TUSC3: variants seen among roughly 807,000 people sequenced by gnomAD.
TUSC3 encodes the protein tumor suppressor candidate 3, also known as dolichyl-diphosphooligosaccharide--protein glycosyltransferase subunit TUSC3.
Under a neutral mutation model 44.8 loss-of-function variants are expected in TUSC3, and 45 were observed. That is an observed-to-expected ratio of 1.00 (90% CI 0.79 to 1.29). The LOEUF (loss-of-function observed/expected upper bound fraction) is 1.29, where lower values mean the gene tolerates loss of function less well. Ranked by LOEUF, TUSC3 falls within the 50% of genes most tolerant of loss-of-function variation. TUSC3 has a pLI of 0.00. For synonymous variants in TUSC3, 212 were observed against 152.9 expected, an observed-to-expected ratio of 1.39 and a Z score of -2.85; for missense variants, 519 against 437.9, an observed-to-expected ratio of 1.19 and a Z score of -1.65.
chr8:15,827,652 T>C, the TUSC3 span, among the ~76,000 whole-genome samples: 1 of 152,202 alleles, frequency 6.6e-6, no homozygotes, highest in South Asian at 2.1e-4. Context: ...TGCTAATGTG[T>C]ACATTTGATC....
downstream of TUSC3, among the ~76,000 whole-genome samples, chr8:15,769,468 T>G (rs1348430782): frequency 5.3e-5 from 8 of 152,078 alleles, no homozygotes; most frequent in East Asian, 1.2e-3. Flanking sequence ...CCTAAAACCT[T>G]AAAAACCCTA....
At chr8:15,672,832 C>T (rs1166048301) in intron 5 of TUSC3, among the ~76,000 whole-genome samples, 3 of 151,994 alleles carry the variant, frequency 2.0e-5, no homozygotes, top group Non-Finnish European at 4.4e-5. Flanking sequence ...GACTCCCAGT[C>T]GTGCATTGCT....
chr8:15,777,990 C>G, the TUSC3 span, among the ~76,000 whole-genome samples: 1 of 151,718 alleles, frequency 6.6e-6, no homozygotes, highest in East Asian at 1.9e-4. Flanking sequence ...TGAAAAACAT[C>G]TTGATTTCCC....
intron 1 of TUSC3, among the ~76,000 whole-genome samples, chr8:15,455,459 A>T (rs942185492): frequency 6.6e-6 from 1 of 151,940 alleles, no homozygotes; most frequent in African/African-American, 2.4e-5. Flanking sequence ...CTATGTATAC[A>T]CACCTATGTA....
At chr8:15,523,680 G>GTATA (rs1563273640) in intron 2 of TUSC3, among the ~76,000 whole-genome samples, 4 of 37,666 alleles carry the variant, frequency 1.1e-4, no homozygotes, top group African/African-American at 1.6e-4. Flanking sequence ...GTGTGTGTGT[G>GTATA]TGTGTGTGTG....
intron 2 of TUSC3, among the ~76,000 whole-genome samples, chr8:15,503,077 A>G (rs1221771938): frequency 6.6e-6 from 1 of 152,142 alleles, no homozygotes. Context: ...CGCCATTTAT[A>G]TGCTGAAGTC....
intron 5 of TUSC3, among the ~76,000 whole-genome samples, chr8:15,666,371 C>A (rs1186805312): frequency 1.3e-5 from 2 of 151,476 alleles, no homozygotes; most frequent in Non-Finnish European, 1.5e-5. Flanking sequence ...CTGTTTTCTG[C>A]CTTTTAATAC....
At chr8:15,753,959 G>A (rs528666082) in intron 9 of TUSC3, among the ~76,000 whole-genome samples, 1 of 152,208 alleles carries the variant, frequency 6.6e-6, no homozygotes, top group South Asian at 2.1e-4. Context: ...GTTGAAAGGT[G>A]AGATACTGAT....
At chr8:15,814,113 A>C in the TUSC3 span, among the ~76,000 whole-genome samples, 1 of 152,202 alleles carries the variant, frequency 6.6e-6, no homozygotes, top group Non-Finnish European at 1.5e-5. Flanking sequence ...TAATTTACAC[A>C]TTGTTGTGAC....
At chr8:15,511,210 G>A (rs1444401029) in intron 2 of TUSC3, among the ~76,000 whole-genome samples, 1 of 151,812 alleles carries the variant, frequency 6.6e-6, no homozygotes, top group Non-Finnish European at 1.5e-5. Context: ...CTCCTATTCA[G>A]TATAGTGCTG....
the TUSC3 span, among the ~76,000 whole-genome samples, chr8:15,805,491 T>G: frequency 6.6e-6 from 1 of 152,202 alleles, no homozygotes; most frequent in Non-Finnish European, 1.5e-5. Flanking sequence ...TCTTATTATT[T>G]TGATGTATGT....
chr8:15,799,528 G>C, the TUSC3 span, among the ~76,000 whole-genome samples: 1 of 152,258 alleles, frequency 6.6e-6, no homozygotes, highest in East Asian at 1.9e-4. Flanking sequence ...CCTGCTTCCT[G>C]GTATTGTCAG....
intron 2 of TUSC3, among the ~76,000 whole-genome samples, chr8:15,516,166 T>C (rs1019733561): frequency 2.6e-5 from 4 of 152,194 alleles, no homozygotes; most frequent in African/African-American, 9.6e-5. Context: ...CTCACCCTCA[T>C]CTATTGTATC....
chr8:15,485,342 C>A (rs776939680), intron 2 of TUSC3, among the ~76,000 whole-genome samples: 2 of 152,088 alleles, frequency 1.3e-5, no homozygotes, highest in Non-Finnish European at 2.9e-5. Flanking sequence ...TTCTTTGCTG[C>A]ATTTTTATCT....
chr8:15,723,126 G>C (rs1360243051), intron 6 of TUSC3, among the ~76,000 whole-genome samples: 1 of 152,052 alleles, frequency 6.6e-6, no homozygotes, highest in Admixed American at 6.6e-5. Flanking sequence ...CACTGACTTA[G>C]GTTAAGTATC....
rs143371328 is a variant in TUSC3 at position 15,673,475 on chromosome 8, A to G, written c.709-272A>G. ...ACATAGTATCAGATTGCCTGTCACC[A>G]GGCCAGATGCTTTACATATGTTATC... On this transcript the variant is annotated intron_variant, in intron 5 of 10. Coordinates refer to ENST00000503731, the MANE Select transcript of TUSC3 (RefSeq NM_006765.4). Among the ~76,000 whole-genome samples the G allele has an allele frequency of 3.4e-3, 513 of 152,174 alleles. 2 individuals carry two copies. The highest frequency in any genetic ancestry group is 0.013 in the South Asian group (65 of 4,818).
intron 1 of TUSC3, among the ~76,000 whole-genome samples, chr8:15,470,905 C>G (rs752893473): frequency 2.0e-5 from 3 of 152,086 alleles, no homozygotes; most frequent in South Asian, 2.1e-4. Flanking sequence ...GTGCCCTGAG[C>G]TGAGGGGACA....
At chr8:15,566,746 C>T (rs1310340588) in intron 1 of TUSC3, among the ~76,000 whole-genome samples, 1 of 151,936 alleles carries the variant, frequency 6.6e-6, no homozygotes, top group Non-Finnish European at 1.5e-5. Context: ...GCGTTAGTCT[C>T]CTAAGTAGCT....
At chr8:15,575,823 A>G (rs553705645) in intron 1 of TUSC3, among the ~76,000 whole-genome samples, 22 of 152,108 alleles carry the variant, frequency 1.4e-4, no homozygotes, top group Non-Finnish European at 2.8e-4. Flanking sequence ...TACATAGTTT[A>G]TATCATTTTT....
Sources: allele counts gnomAD v4.1 joint callset (sites outside exome capture counted in the v4.1 genomes callset), GRCh38; gene constraint gnomAD v4.1.1; transcripts MANE v1.5; gene names NCBI Gene and HGNC (gene_info 2026-07-23, HGNC 2026-07-21).